Variants in PON2 observed in about 807,000 individuals in gnomAD.
PON2 encodes the protein serum paraoxonase/arylesterase 2.
In PON2, 27 loss-of-function variants were observed where a neutral mutation model predicts 36.6. That is an observed-to-expected ratio of 0.74 (90% CI 0.54 to 1.02). The LOEUF (loss-of-function observed/expected upper bound fraction) is 1.02, where lower values mean the gene tolerates loss of function less well. PON2 is among the 50% of genes least tolerant of loss of function. The pLI is 0.00. For missense variants in PON2, 363 were observed against 421.1 expected, an observed-to-expected ratio of 0.86 and a Z score of 1.21; for synonymous variants, 149 against 156.3, an observed-to-expected ratio of 0.95 and a Z score of 0.35.
intron 6 of PON2, among the ~76,000 whole-genome samples, chr7:95,407,444 T>C (rs17876202): frequency 0.011 from 1,717 of 152,248 alleles, 27 homozygotes; most frequent in South Asian, 0.047. Flanking sequence ...TATAGAAATA[T>C]ATGGTAAAGA....
rs551817927 is a variant in PON2, at chr7:95,409,954, C to T, written c.642G>A (p.Val214=). 8.7e-6 allele frequency: 14 copies of T among 1,613,848 alleles called. No individual in the cohort carries two copies. In the African/African-American group the frequency reaches 1.5e-4, roughly 17 times the overall value. The change falls in exon 6 of 9, where the codon GTG becomes GTA. Residue 214 remains valine, a synonymous_variant. Transcript: ENST00000222572. ...VVYYSPNEVK[V]VAEGFDSANG... Reference sequence around the variant, plus strand: ...TTGCTGAATCAAATCCTTCTGCTACCACTTTAACTTCATTTGGACTGTAGT... The same window carrying T: ...TTGCTGAATCAAATCCTTCTGCTACTACTTTAACTTCATTTGGACTGTAGT...
chr7:95,425,597 G>A (rs1177251661), intron 1 of PON2, among the ~76,000 whole-genome samples: 1 of 152,100 alleles, frequency 6.6e-6, no homozygotes, highest in Non-Finnish European at 1.5e-5. Flanking sequence ...ATAGCTATTT[G>A]CCATGTGTCC....
At chr7:95,412,689 G>T in intron 3 of PON2, 1 of 577,338 alleles carries the variant, frequency 1.7e-6, no homozygotes, top group Non-Finnish European at 3.1e-6. Context: ...GAAGATCAGG[G>T]ATTTATTCTC....
Position 95,409,793 on chromosome 7 carries a change from C to T in PON2, c.695+108G>A. ...ATCTATATATTATATGTATAATATA[C>T]CATAAATGTCAAGAAAACTATTTTC... On this transcript the variant is annotated intron_variant, in intron 6 of 8. Transcript: ENST00000222572. 7 of 775,416 alleles carry T rather than the reference C, an allele frequency of 9.0e-6. No individual in the cohort carries two copies. In the South Asian group the frequency reaches 1.0e-4, roughly 11 times the overall value. 48.0% of individuals were successfully genotyped at this position (775,416 alleles called of 1,614,324 possible). A position where few individuals can be genotyped will look rare whatever the true frequency, so the allele number is the denominator to read the frequency against.
rs1256055557 is a variant in PON2 at position 95,405,004 on chromosome 7, A to G, written c.*326T>C. ...CAGAAGTGAGGTCACTCACATTTTA[A>G]GGAAATATAATTCACTCTATTTCAG... On this transcript the variant is annotated 3_prime_UTR_variant, in exon 9 of 9. Transcript: ENST00000222572. The G allele has an allele frequency of 1.9e-4, 50 of 270,148 alleles. No individual in the cohort carries two copies. The highest frequency in any genetic ancestry group is 2.2e-5 in the Non-Finnish European group (3 of 137,210). The allele number at this position is 270,148 out of a possible 1,614,324, so 16.7% of individuals were successfully genotyped here.
intron 3 of PON2, 194 bp from the exon 4 acceptor site, chr7:95,412,671 A>T (rs987886396): frequency 1.6e-6 from 1 of 612,012 alleles, no homozygotes; most frequent in Admixed American, 2.9e-5. Context: ...CCTGAAAATA[A>T]CTGAAAAGAA....
intron 6 of PON2, among the ~76,000 whole-genome samples, chr7:95,408,655 A>T (rs1480777914): frequency 1.3e-5 from 2 of 152,228 alleles, no homozygotes; most frequent in African/African-American, 4.8e-5. Context: ...GAGAAATTGG[A>T]TTACAAAAAT....
At chr7:95,408,951 G>T (rs1308471104) in intron 6 of PON2, among the ~76,000 whole-genome samples, 4 of 152,148 alleles carry the variant, frequency 2.6e-5, no homozygotes, top group African/African-American at 9.7e-5. Flanking sequence ...TTTAGCCAGT[G>T]CCCTGGGTGG....
chr7:95,424,014 A>G (rs894749862), intron 2 of PON2: 2 of 171,004 alleles, frequency 1.2e-5, no homozygotes, highest in African/African-American at 4.8e-5. Context: ...GGTCCCTCCC[A>G]CAACACGTGG....
chr7:95,416,416 G>A, intron 2 of PON2, 119 bp from the exon 3 acceptor site: 1 of 1,186,788 alleles, frequency 8.4e-7, no homozygotes, highest in Non-Finnish European at 1.2e-6. Flanking sequence ...TGGTTCTGAT[G>A]TTTTTTCCAA....
chr7:95,417,690 GACACACACAC>G (rs555142509), intron 2 of PON2, among the ~76,000 whole-genome samples: 1,320 of 93,870 alleles, frequency 0.014, 24 homozygotes, highest in African/African-American at 0.045. Context: ...TGTACACACA[GACACACACAC>G]ACACACACAC....
chr7:95,412,569 G>T, intron 3 of PON2, 92 bp from the exon 4 acceptor site: 1 of 1,360,204 alleles, frequency 7.4e-7, no homozygotes. Context: ...AATAGAGATT[G>T]TGGTTAAAGT....
chr7:95,413,767 C>A (rs1788995752), intron 3 of PON2, among the ~76,000 whole-genome samples: 2 of 152,072 alleles, frequency 1.3e-5, no homozygotes, highest in South Asian at 4.1e-4. Context: ...AAAAGTCTTA[C>A]TTTATGTATA....
At position 95,409,993 on chromosome 7, in the gene PON2, C is replaced by T. The variant is rs1788882009; in HGVS notation, c.603G>A (p.Trp201Ter). The part of the protein sequence containing the change: ...KYLETYLNLH[W>*]ANVVYYSPNE... ...TTGGACTGTAGTAAACAACATTTGC[C>T]CAGTGTAAGTTCAAGTATGTTTCTA... Residue 201 changes from tryptophan to a stop codon, truncating the protein, a stop_gained, in exon 6 of 9, where the codon TGG (tryptophan) becomes TGA (stop). Coordinates refer to ENST00000222572, the MANE Select transcript of PON2 (RefSeq NM_000305.3). LOFTEE classifies it high-confidence loss of function. 2 of 1,613,634 alleles carry T rather than the reference C, an allele frequency of 1.2e-6. No individual in the cohort carries two copies. The highest frequency in any genetic ancestry group is 1.7e-6 in the Non-Finnish European group (2 of 1,179,830).
intron 3 of PON2, among the ~76,000 whole-genome samples, chr7:95,414,340 C>G (rs879018446): frequency 6.6e-6 from 1 of 151,820 alleles, no homozygotes; most frequent in Admixed American, 6.6e-5. Flanking sequence ...GAGACAATGC[C>G]AAGTAAATGA....
chr7:95,409,541 C>T (rs1809810723), intron 6 of PON2: 2 of 151,550 alleles, frequency 1.3e-5, no homozygotes, highest in African/African-American at 2.4e-5. Flanking sequence ...AAGGAAATAC[C>T]TGATACTTCA....
At chr7:95,421,649 T>G (rs1357279844) in intron 2 of PON2, among the ~76,000 whole-genome samples, 1 of 151,982 alleles carries the variant, frequency 6.6e-6, no homozygotes, top group Admixed American at 6.6e-5. Flanking sequence ...TTTGGGCAAT[T>G]GAAAGAAGGA....
chr7:95,416,110 C>T, intron 3 of PON2, 132 bp downstream of exon 3: 1 of 1,474,900 alleles, frequency 6.8e-7, no homozygotes, highest in South Asian at 1.2e-5. Context: ...TTTCCAAGAT[C>T]TTGTTTGACC....
intron 8 of PON2, among the ~76,000 whole-genome samples, chr7:95,405,849 ACCAC>A (rs1809670894): frequency 6.6e-6 from 1 of 152,192 alleles, no homozygotes; most frequent in Non-Finnish European, 1.5e-5. Context: ...TTGCCAGTAT[ACCAC>A]CCAAGAAGGG....
Sources: allele counts gnomAD v4.1 joint callset (sites outside exome capture counted in the v4.1 genomes callset), GRCh38; gene constraint gnomAD v4.1.1; transcripts MANE v1.5; gene names NCBI Gene and HGNC (gene_info 2026-07-23, HGNC 2026-07-21).